Variants in VCF1 observed in about 807,000 individuals in gnomAD.
VCF1 encodes protein VCF1.
At chr17:73,207,877 A>G in the VCF1 span, 1 of 1,193,900 alleles carries the variant, frequency 8.4e-7, no homozygotes, top group South Asian at 1.6e-5. Context: ...CATCGAACCC[A>G]TTAAGATCTA....
chr17:73,214,064 T>C, the VCF1 span, among the ~76,000 whole-genome samples: 1 of 152,198 alleles, frequency 6.6e-6, no homozygotes, highest in Non-Finnish European at 1.5e-5. Context: ...ATACTGCCAA[T>C]ATGATTTTGA....
the VCF1 span, among the ~76,000 whole-genome samples, chr17:73,216,921 TAAC>T: frequency 6.6e-6 from 1 of 151,132 alleles, no homozygotes; most frequent in African/African-American, 2.4e-5. Flanking sequence ...TTTCTACTAA[TAAC>T]CTTAAGAAAG....
the VCF1 span, chr17:73,212,687 C>T: frequency 1.4e-5 from 22 of 1,596,360 alleles, no homozygotes; most frequent in African/African-American, 2.7e-5. Context: ...CCGCGCAGAA[C>T]GCTTTGTTTC....
chr17:73,225,897 ATAT>A, the VCF1 span, among the ~76,000 whole-genome samples: 11 of 72,416 alleles, frequency 1.5e-4, no homozygotes, highest in Non-Finnish European at 1.6e-4. Flanking sequence ...ATATATATAT[ATAT>A]TTTTTTTTTT....
At chr17:73,231,491 GC>G in the VCF1 span, among the ~76,000 whole-genome samples, 3,183 of 152,198 alleles carry the variant, frequency 0.021, 49 homozygotes, top group Non-Finnish European at 0.033. Context: ...GAGTCAAACG[GC>G]CCCGCAATCC....
the VCF1 span, among the ~76,000 whole-genome samples, chr17:73,216,430 G>A: frequency 6.6e-6 from 1 of 152,290 alleles, no homozygotes; most frequent in East Asian, 1.9e-4. Context: ...AGGGAGGGAA[G>A]GCCGATGAGA....
chr17:73,224,892 C>CAGG, the VCF1 span, among the ~76,000 whole-genome samples: 1 of 48,174 alleles, frequency 2.1e-5, no homozygotes, highest in African/African-American at 5.8e-5. Flanking sequence ...CAGCACAGGA[C>CAGG]AGGACAGGAC....
At chr17:73,220,938 G>A in the VCF1 span, among the ~76,000 whole-genome samples, 332 of 112,368 alleles carry the variant, frequency 3.0e-3, 11 homozygotes, top group African/African-American at 0.011. Context: ...TCGCTCTGTC[G>A]CCCAGTCTGG....
At chr17:73,208,454 T>A in the VCF1 span, 1 of 1,614,016 alleles carries the variant, frequency 6.2e-7, no homozygotes, top group Non-Finnish European at 8.5e-7. Flanking sequence ...CTAAGTAACA[T>A]GGCAACACAT....
At chr17:73,232,238 C>T in the VCF1 span, 1 of 1,611,864 alleles carries the variant, frequency 6.2e-7, no homozygotes, top group Non-Finnish European at 8.5e-7. Context: ...TGGACGCAGC[C>T]GGTGGCGAGT....
chr17:73,225,421 A>AT, the VCF1 span, among the ~76,000 whole-genome samples: 1 of 152,110 alleles, frequency 6.6e-6, no homozygotes, highest in Non-Finnish European at 1.5e-5. Context: ...AGAAATGTTA[A>AT]TTTTTTTAAA....
chr17:73,207,454 G>A, the VCF1 span: 3 of 699,096 alleles, frequency 4.3e-6, no homozygotes, highest in South Asian at 1.5e-5. Flanking sequence ...GATGCCCGCT[G>A]ACACTACCAA....
chr17:73,226,193 G>A, the VCF1 span, among the ~76,000 whole-genome samples: 21 of 152,230 alleles, frequency 1.4e-4, no homozygotes, highest in Admixed American at 3.3e-4. Flanking sequence ...GAGCCACTGC[G>A]CTCGGCCAGG....
chr17:73,217,340 G>C, the VCF1 span, among the ~76,000 whole-genome samples: 1 of 148,834 alleles, frequency 6.7e-6, no homozygotes, highest in African/African-American at 2.5e-5. Flanking sequence ...GGGACAGAGT[G>C]AGACTGTATC....
the VCF1 span, chr17:73,209,791 A>G: frequency 6.5e-7 from 1 of 1,538,112 alleles, no homozygotes; most frequent in Admixed American, 2.0e-5. Context: ...AGAAAGAAAC[A>G]GGGTCACAAT....
chr17:73,222,035 CA>C, the VCF1 span, among the ~76,000 whole-genome samples: 8,229 of 80,672 alleles, frequency 0.1, 297 homozygotes, highest in African/African-American at 0.21. Context: ...GACTCTGTCT[CA>C]AAAAAAAAAA....
chr17:73,232,001 C>G, the VCF1 span: 1 of 1,429,614 alleles, frequency 7.0e-7, no homozygotes, highest in Non-Finnish European at 9.4e-7. Flanking sequence ...TCCACTCTTG[C>G]TCCGACCCCC....
chr17:73,208,376 G>T, the VCF1 span: 2 of 1,614,112 alleles, frequency 1.2e-6, no homozygotes, highest in Non-Finnish European at 1.7e-6. Context: ...TGTTCAGACA[G>T]CTTGTCAGTG....
At chr17:73,217,130 G>C in the VCF1 span, among the ~76,000 whole-genome samples, 26 of 152,182 alleles carry the variant, frequency 1.7e-4, no homozygotes, top group African/African-American at 5.3e-4. Flanking sequence ...AGGAGTTCGA[G>C]ACCAGCCTGG....
Sources: gnomAD v4.1 joint callset for allele counts (sites outside exome capture counted in the v4.1 genomes callset) on GRCh38, gnomAD v4.1.1 for gene constraint, MANE v1.5 for transcripts, NCBI Gene and HGNC (gene_info 2026-07-23, HGNC 2026-07-21) for gene names.